The following DPP6 variants were observed in gnomAD, a reference collection of about 807,000 sequenced individuals.
The protein encoded by DPP6 is dipeptidyl peptidase like 6, also known as A-type potassium channel modulatory protein DPP6.
DPP6 carries 69 observed loss-of-function variants against 122.6 expected under a neutral mutation model. The ratio of observed to expected loss-of-function variants is 0.56; its 90% CI spans 0.46 to 0.69. The LOEUF (loss-of-function observed/expected upper bound fraction) is 0.69, where lower values mean the gene tolerates loss of function less well. Ranked by LOEUF, DPP6 falls within the 30% of genes least tolerant of loss-of-function variation. DPP6 has a pLI of 0.00. For synonymous variants in DPP6, 418 were observed against 433.1 expected (o/e 0.97, Z 0.43); for missense variants, 928 against 1,116.9 (o/e 0.83, Z 2.41).
intron 1 of DPP6, among the ~76,000 whole-genome samples, chr7:154,228,162 G>A (rs987475313): frequency 1.1e-4 from 17 of 152,176 alleles, no homozygotes; most frequent in Non-Finnish European, 2.5e-4. Context: ...AATTCCCAGT[G>A]TGTACTTCAA....
At chr7:154,678,199 G>T (rs1302431011) in intron 7 of DPP6, among the ~76,000 whole-genome samples, 1 of 152,166 alleles carries the variant, frequency 6.6e-6, no homozygotes, top group Non-Finnish European at 1.5e-5. Flanking sequence ...ATGGGGGCGG[G>T]CCAAATAAGG....
intron 1 of DPP6, among the ~76,000 whole-genome samples, chr7:154,382,592 G>C (rs7804299): frequency 0.14 from 20,947 of 152,150 alleles, 2,157 homozygotes; most frequent in African/African-American, 0.29. Context: ...ACTCTGTGCT[G>C]CGCTCAGCGC....
intron 1 of DPP6, among the ~76,000 whole-genome samples, chr7:154,319,391 T>C (rs892529958): frequency 3.9e-5 from 6 of 152,156 alleles, no homozygotes; most frequent in Non-Finnish European, 8.8e-5. Context: ...TTAGCACCAG[T>C]GCTAACAAAA....
intron 2 of DPP6, among the ~76,000 whole-genome samples, chr7:154,459,397 C>T (rs1821076281): frequency 6.6e-6 from 1 of 152,184 alleles, no homozygotes; most frequent in South Asian, 2.1e-4. Context: ...TTATTAATAG[C>T]TGACCTTGGT....
chr7:154,224,899 T>C (rs1800505677), intron 1 of DPP6, among the ~76,000 whole-genome samples: 1 of 151,874 alleles, frequency 6.6e-6, no homozygotes, highest in Non-Finnish European at 1.5e-5. Context: ...TCCCAGCACT[T>C]TGGGAGGCAG....
intron 1 of DPP6, among the ~76,000 whole-genome samples, chr7:154,345,114 A>G (rs1810283365): frequency 6.6e-6 from 1 of 152,074 alleles, no homozygotes; most frequent in Non-Finnish European, 1.5e-5. Context: ...AAGTTTCCTG[A>G]AGTTCTAGAG....
At chr7:153,917,479 C>T (rs1800376330) in intron 1 of DPP6, among the ~76,000 whole-genome samples, 1 of 152,190 alleles carries the variant, frequency 6.6e-6, no homozygotes, top group Admixed American at 6.5e-5. Flanking sequence ...CAGTTTACCT[C>T]CTCCCGCTGT....
At chr7:154,751,322 C>T (rs1266724385) in intron 8 of DPP6, among the ~76,000 whole-genome samples, 5 of 151,930 alleles carry the variant, frequency 3.3e-5, no homozygotes, top group East Asian at 1.9e-4. Context: ...GAAAACTGGC[C>T]GGCACGATGG....
chr7:154,043,427 A>AAAAAAAAAAAAAAAAAAAAAC (rs1799864315), intron 1 of DPP6, among the ~76,000 whole-genome samples: 1 of 122,240 alleles, frequency 8.2e-6, no homozygotes, highest in African/African-American at 3.2e-5. Flanking sequence ...AAAAAAAAAA[A>AAAAAAAAAAAAAAAAAAAAAC]AAAAAAAAAA....
intron 8 of DPP6, among the ~76,000 whole-genome samples, chr7:154,759,348 G>A (rs1224205765): frequency 6.6e-6 from 1 of 152,228 alleles, no homozygotes; most frequent in Non-Finnish European, 1.5e-5. Flanking sequence ...AGGGAAGGGA[G>A]AAGGAGGGTG....
chr7:154,824,282 T>C (rs1249217837), intron 16 of DPP6, among the ~76,000 whole-genome samples: 1 of 152,088 alleles, frequency 6.6e-6, no homozygotes, highest in Non-Finnish European at 1.5e-5. Context: ...GTTTGTTTGT[T>C]TGTTTGTTTG....
chr7:154,857,489 G>A (rs1802940639), intron 17 of DPP6, among the ~76,000 whole-genome samples: 1 of 152,198 alleles, frequency 6.6e-6, no homozygotes, highest in Non-Finnish European at 1.5e-5. Context: ...CCAGGTGTTT[G>A]CCATGGGAGG....
intron 1 of DPP6, among the ~76,000 whole-genome samples, chr7:153,991,679 C>T (rs1480249673): frequency 1.3e-5 from 2 of 152,192 alleles, no homozygotes; most frequent in Non-Finnish European, 1.5e-5. Context: ...GTCTGGAGCA[C>T]GCAGCCATCC....
Position 154,008,692 on chromosome 7 carries a change from C to T in DPP6, c.51+120958C>T, listed in dbSNP as rs1466575811. Among the ~76,000 whole-genome samples the T allele has an allele frequency of 4.6e-3, 631 of 138,070 alleles. 3 individuals carry two copies. Among genetic ancestry groups the T allele is most frequent in the African/African-American group, 0.016 (588 of 36,340 alleles). The allele number at this position is 138,070 out of a possible 152,430, so 90.6% of individuals were successfully genotyped here. ...TTTTTTTTTTTTTGAGACGGAGTCT[C>T]GCTCTGTCGCCCAGGCTGGAGTGCA... On this transcript the variant is annotated intron_variant, in intron 1 of 25. Transcript: ENST00000404039.
chr7:154,335,305 A>AGAAAC (rs546653263), intron 1 of DPP6, among the ~76,000 whole-genome samples: 162 of 143,706 alleles, frequency 1.1e-3, no homozygotes, highest in African/African-American at 4.1e-3. Context: ...GTATTTCTTA[A>AGAAAC]AAAACAAAAC....
chr7:154,282,121 G>C lies in DPP6; in HGVS notation c.244-164093G>C, dbSNP rs536472506. On this transcript the variant is annotated intron_variant, in intron 1 of 25. Coordinates refer to ENST00000377770, the MANE Select transcript of DPP6 (RefSeq NM_130797.4). This position sits in a 1 kb window ranked among gnomAD's most constrained non-coding sequence, Gnocchi z 4.8. ...GTAATGATGTGTGTTGAGGGGTGGG[G>C]ACAGGGCTGGCACAGTGCCTGGCAT... Among the ~76,000 whole-genome samples, 1 of 152,256 alleles carries C rather than the reference G, an allele frequency of 6.6e-6. No homozygotes were observed. Among genetic ancestry groups the C allele is most frequent in the South Asian group, 2.1e-4 (1 of 4,816 alleles).
chr7:154,811,342 C>A (rs1225254054), intron 16 of DPP6, among the ~76,000 whole-genome samples: 1 of 152,158 alleles, frequency 6.6e-6, no homozygotes, highest in Non-Finnish European at 1.5e-5. Flanking sequence ...CCTCGTCCTG[C>A]CATGGGGAAA....
chr7:154,137,641 T>TG (rs1221969502), intron 1 of DPP6, among the ~76,000 whole-genome samples: 11,424 of 26,822 alleles, frequency 0.43, 1,191 homozygotes, highest in East Asian at 0.55. Context: ...GAGGAGATGG[T>TG]GGGGGGGGTG....
chr7:153,882,564 TAAATC>T (rs530881988), upstream of DPP6, among the ~76,000 whole-genome samples: 419 of 152,350 alleles, frequency 2.8e-3, 1 homozygote, highest in African/African-American at 9.3e-3. Flanking sequence ...AGTCTCAACT[TAAATC>T]AAAGCCACTT....
Sources: allele counts gnomAD v4.1 joint callset (sites outside exome capture counted in the v4.1 genomes callset), GRCh38; gene constraint gnomAD v4.1.1; non-coding constraint Gnocchi (gnomAD v3.1); transcripts MANE v1.5; gene names NCBI Gene and HGNC (gene_info 2026-07-23, HGNC 2026-07-21).